The following ZEB1 variants were observed in gnomAD, a reference collection of about 807,000 sequenced individuals.
ZEB1 encodes zinc finger E-box-binding homeobox 1.
Under a neutral mutation model 84.9 loss-of-function variants are expected in ZEB1, and 21 were observed. The observed-to-expected ratio is 0.25, with a 90% CI of 0.18 to 0.36. ZEB1 has a LOEUF of 0.36. ZEB1 is among the 10% of genes least tolerant of loss of function. The pLI is 1.00. For missense variants in ZEB1, 1,104 were observed against 1,330.2 expected, an observed-to-expected ratio of 0.83 and a Z score of 2.65; for synonymous variants, 420 against 471.1, an observed-to-expected ratio of 0.89 and a Z score of 1.41.
At chr10:31,510,549 G>T (rs2069794093) in intron 4 of ZEB1, 124 bp from the exon 5 acceptor site, 2 of 765,700 alleles carry the variant, frequency 2.6e-6, no homozygotes, top group African/African-American at 3.5e-5. Flanking sequence ...TCATTGCATT[G>T]TTTTGAGGAT....
At chr10:31,399,932 T>G (rs2051607991) in intron 1 of ZEB1, among the ~76,000 whole-genome samples, 1 of 152,150 alleles carries the variant, frequency 6.6e-6, no homozygotes, top group Non-Finnish European at 1.5e-5. Context: ...TTGCACTGGT[T>G]GTTCTCTGTA....
chr10:31,446,168 T>C (rs1465434605), intron 1 of ZEB1, among the ~76,000 whole-genome samples: 1 of 152,230 alleles, frequency 6.6e-6, no homozygotes, highest in African/African-American at 2.4e-5. Flanking sequence ...TCGAGGAATG[T>C]ATCCATCTCT....
chr10:31,398,842 C>A (rs548955982), intron 1 of ZEB1, among the ~76,000 whole-genome samples: 1 of 152,012 alleles, frequency 6.6e-6, no homozygotes, highest in Non-Finnish European at 1.5e-5. Flanking sequence ...TTGCTGATTT[C>A]TTCTTGCCTC....
intron 1 of ZEB1, chr10:31,363,258 G>T (rs1449680382): frequency 6.5e-7 from 1 of 1,533,920 alleles, no homozygotes; most frequent in Admixed American, 2.0e-5. Context: ...CCGGAACTGG[G>T]GCAGGGAGCA....
Position 31,528,819 on chromosome 10 carries a change from C to T in ZEB1, c.*1555C>T, listed in dbSNP as rs1734742813. The T allele has an allele frequency of 6.6e-6, 1 of 152,126 alleles. No homozygotes were observed. Among genetic ancestry groups the T allele is most frequent in the Non-Finnish European group, 1.5e-5 (1 of 68,006 alleles). 9.4% of individuals were successfully genotyped at this position (152,126 alleles called of 1,614,324 possible). On this transcript the variant is annotated 3_prime_UTR_variant, in exon 9 of 9. Coordinates refer to ENST00000424869, the MANE Select transcript of ZEB1 (RefSeq NM_001174096.2). ...TAACAGTGTTATGTTAACATTTATA[C>T]TTGCCTTGGACTGTAGAACAGAACT...
At chr10:31,464,287 A>T (rs1230649514) in intron 2 of ZEB1, among the ~76,000 whole-genome samples, 1 of 152,132 alleles carries the variant, frequency 6.6e-6, no homozygotes, top group African/African-American at 2.4e-5. Flanking sequence ...CGGGAGGCAG[A>T]GCTTGCAGTG....
intron 2 of ZEB1, among the ~76,000 whole-genome samples, chr10:31,484,099 C>G (rs1042928038): frequency 6.6e-6 from 1 of 151,960 alleles, no homozygotes; most frequent in Non-Finnish European, 1.5e-5. Flanking sequence ...TGTTTCATAT[C>G]GTATCTCCAC....
intron 1 of ZEB1, among the ~76,000 whole-genome samples, chr10:31,418,458 C>G (rs1395216957): frequency 6.6e-6 from 1 of 152,018 alleles, no homozygotes; most frequent in Non-Finnish European, 1.5e-5. Context: ...GATTTTAAAT[C>G]AGTGATTTTT....
At chr10:31,382,673 A>T (rs930530603) in intron 1 of ZEB1, among the ~76,000 whole-genome samples, 1 of 152,156 alleles carries the variant, frequency 6.6e-6, no homozygotes, top group Non-Finnish European at 1.5e-5. Context: ...AATTAGTAGA[A>T]CTCACCCAGA....
At chr10:31,466,073 A>G (rs1355970649) in intron 2 of ZEB1, among the ~76,000 whole-genome samples, 1 of 152,258 alleles carries the variant, frequency 6.6e-6, no homozygotes, top group African/African-American at 2.4e-5. Context: ...CAATTTATCA[A>G]GATGATACAA....
chr10:31,347,004 C>T (rs1191619916), intron 1 of ZEB1, among the ~76,000 whole-genome samples: 1 of 152,104 alleles, frequency 6.6e-6, no homozygotes, highest in Non-Finnish European at 1.5e-5. Context: ...CTCTTAAAAA[C>T]ACTTGGAAGA....
chr10:31,392,452 C>T (rs2135268394), intron 1 of ZEB1, among the ~76,000 whole-genome samples: 1 of 152,194 alleles, frequency 6.6e-6, no homozygotes, highest in Admixed American at 6.5e-5. Flanking sequence ...AGCCTATATA[C>T]ACTTCCTGTT....
intron 1 of ZEB1, among the ~76,000 whole-genome samples, chr10:31,432,407 G>A (rs1357223475): frequency 1.3e-5 from 2 of 152,134 alleles, no homozygotes; most frequent in African/African-American, 4.8e-5. Context: ...TTGGCAATAT[G>A]GCAAAACCCT....
At chr10:31,325,967 G>GTTT (rs61269264) in intron 1 of ZEB1, among the ~76,000 whole-genome samples, 7,248 of 124,772 alleles carry the variant, frequency 0.058, 569 homozygotes, top group East Asian at 0.18. Flanking sequence ...TTGGTTTTGG[G>GTTT]TTTTTTTTTT....
rs1237800383 is a variant in ZEB1, at chr10:31,521,446, C to A, written c.2114C>A (p.Ser705Tyr). ...AATGGTTCCAGAAGTAGTACACCATCCCCATCACCTCTAAACCTTTCCTCA... is the reference window on the plus strand; with the variant it reads ...AATGGTTCCAGAAGTAGTACACCATACCCATCACCTCTAAACCTTTCCTCA... ...TTNGSRSSTP[S>Y]PSPLNLSSSR... Residue 705 changes from serine (S) to tyrosine (Y), a missense_variant, in exon 7 of 9, where the codon TCC becomes TAC. Physicochemically the swap from Ser to Tyr is moderately radical, Grantham distance 144 (BLOSUM62 -2). Around this residue, in one of 7 missense-constraint regions of ZEB1, gnomAD observed 531 missense variants for 575.2 expected, o/e 0.92. Transcript: ENST00000424869. 2 of 1,614,082 alleles carry A rather than the reference C, an allele frequency of 1.2e-6. No individual in the cohort carries two copies. The highest frequency in any genetic ancestry group is 2.2e-5 in the East Asian group (1 of 44,858).
Position 31,319,277 on chromosome 10 carries a change from C to T in ZEB1, c.43C>T (p.Pro15Ser). 1.2e-6 allele frequency: 2 copies of T among 1,609,470 alleles called. No individual in the cohort carries two copies. The highest frequency in any genetic ancestry group is 1.7e-6 in the Non-Finnish European group (2 of 1,178,498). Reference sequence around the variant, plus strand: ...GTGTAAGCGCAGAAAGCAGGCGAACCCGCGGCGCAATAACGGTGAGTGGCG... The same window carrying T: ...GTGTAAGCGCAGAAAGCAGGCGAACTCGCGGCGCAATAACGGTGAGTGGCG... ...PRCKRRKQAN[P>S]RRNNVTNYNT... The change falls in exon 1 of 9, where the codon CCG (proline) becomes TCG (serine). Residue 15 changes from proline to serine, a missense_variant. By Grantham distance (74) the Pro-to-Ser change is moderately conservative. Coordinates refer to ENST00000424869, the MANE Select transcript of ZEB1 (RefSeq NM_001174096.2).
At chr10:31,435,649 A>G (rs2058202096) in intron 1 of ZEB1, among the ~76,000 whole-genome samples, 1 of 152,130 alleles carries the variant, frequency 6.6e-6, no homozygotes, top group Non-Finnish European at 1.5e-5. Context: ...AGGGGCATGG[A>G]GTAGAGAAGG....
At chr10:31,396,473 T>C (rs903838668) in intron 1 of ZEB1, among the ~76,000 whole-genome samples, 2 of 152,122 alleles carry the variant, frequency 1.3e-5, no homozygotes, top group Non-Finnish European at 2.9e-5. Flanking sequence ...TCCTGACAAA[T>C]AGGCAGGATT....
At chr10:31,393,800 A>G (rs995688956) in intron 1 of ZEB1, among the ~76,000 whole-genome samples, 3 of 152,196 alleles carry the variant, frequency 2.0e-5, no homozygotes, top group African/African-American at 7.2e-5. Flanking sequence ...AGATACATGC[A>G]TGGCTTATAT....
Sources: allele counts gnomAD v4.1 joint callset (sites outside exome capture counted in the v4.1 genomes callset), GRCh38; gene constraint gnomAD v4.1.1; regional missense constraint gnomAD v4.1.1; transcripts MANE v1.5; gene names NCBI Gene and HGNC (gene_info 2026-07-23, HGNC 2026-07-21).